The following RALYL variants were observed in gnomAD, a reference collection of about 807,000 sequenced individuals.
The protein encoded by RALYL is RNA-binding Raly-like protein.
A neutral mutation model predicts 35.1 loss-of-function variants in RALYL; 29 were observed. That is an observed-to-expected ratio of 0.83 (90% confidence interval 0.61 to 1.13). RALYL has a LOEUF of 1.13. Ranked by LOEUF, RALYL falls within the 50% of genes most tolerant of loss-of-function variation. The pLI is 0.00. For missense variants in RALYL, 359 were observed against 360.4 expected, an observed-to-expected ratio of 1.00 and a Z score of 0.03; for synonymous variants, 120 against 127.6, an observed-to-expected ratio of 0.94 and a Z score of 0.40.
chr8:84,760,561 T>C (rs1277632388), intron 2 of RALYL, among the ~76,000 whole-genome samples: 1 of 152,066 alleles, frequency 6.6e-6, no homozygotes, highest in Non-Finnish European at 1.5e-5. Context: ...CCTATCACAG[T>C]TGGATTTTAA....
In RALYL at chr8:84,183,969, T is replaced by G. The variant is rs1296878552; in HGVS notation, c.-479T>G. On this transcript the variant is annotated 5_prime_UTR_variant, in exon 1 of 9. Transcript: ENST00000521268. ...TTTTCTGATAACATTTTTGTATAGG[T>G]GGGATTTTACGGCAGTGTTTACAAG... 6.6e-6 allele frequency: 1 copy of G among 152,262 alleles called. No individual in the cohort carries two copies. The highest frequency in any genetic ancestry group is 2.4e-5 in the African/African-American group (1 of 41,450). 9.4% of individuals were successfully genotyped at this position (152,262 alleles called of 1,614,324 possible). A position where few individuals can be genotyped will look rare whatever the true frequency, so the allele number is the denominator to read the frequency against.
intron 1 of RALYL, among the ~76,000 whole-genome samples, chr8:84,483,705 G>T (rs113116907): frequency 0.011 from 1,661 of 152,218 alleles, 32 homozygotes; most frequent in Admixed American, 0.055. Context: ...CTACAACAGA[G>T]ATATAGAAGC....
intron 2 of RALYL, among the ~76,000 whole-genome samples, chr8:84,689,831 A>G (rs1837646098): frequency 6.6e-6 from 1 of 152,138 alleles, no homozygotes; most frequent in African/African-American, 2.4e-5. Context: ...ATGGCCAGTG[A>G]TGGTGAGGAT....
intron 2 of RALYL, among the ~76,000 whole-genome samples, chr8:84,730,696 C>T (rs1406853428): frequency 1.3e-5 from 2 of 152,036 alleles, no homozygotes; most frequent in African/African-American, 4.8e-5. Flanking sequence ...GAATGAGGAT[C>T]TGTACAACGT....
At chr8:84,396,426 A>G (rs1411743780) in intron 1 of RALYL, among the ~76,000 whole-genome samples, 1 of 152,130 alleles carries the variant, frequency 6.6e-6, no homozygotes, top group Non-Finnish European at 1.5e-5. Flanking sequence ...CTGGTAAGAT[A>G]AAAGTAGACT....
chr8:84,491,975 A>G (rs1237750751), intron 1 of RALYL, among the ~76,000 whole-genome samples: 1 of 151,952 alleles, frequency 6.6e-6, no homozygotes, highest in East Asian at 1.9e-4. Flanking sequence ...GTGTTATCCC[A>G]GTTTTAAAAG....
chr8:84,710,080 C>CA (rs1841923105), intron 2 of RALYL, among the ~76,000 whole-genome samples: 1 of 151,792 alleles, frequency 6.6e-6, no homozygotes, highest in African/African-American at 2.4e-5. Flanking sequence ...AACAAATAAA[C>CA]AAAAAAGCTA....
At chr8:84,226,149 T>C (rs1362749004) in intron 1 of RALYL, among the ~76,000 whole-genome samples, 3 of 152,144 alleles carry the variant, frequency 2.0e-5, no homozygotes, top group South Asian at 4.1e-4. Context: ...TAGATTCTCA[T>C]AGGAGCGTGA....
At chr8:84,786,108 G>T (rs1428025739) in intron 3 of RALYL, among the ~76,000 whole-genome samples, 13 of 152,208 alleles carry the variant, frequency 8.5e-5, no homozygotes, top group African/African-American at 3.1e-4. Flanking sequence ...GTGTTAGTTT[G>T]CTGAGGATAA....
intron 2 of RALYL, among the ~76,000 whole-genome samples, chr8:84,769,468 A>G (rs758319097): frequency 9.9e-5 from 15 of 152,260 alleles, no homozygotes; most frequent in Non-Finnish European, 2.1e-4. Context: ...ACTAAAACCT[A>G]ATGTCTCTGG....
chr8:84,413,657 A>T (rs2044324797), intron 1 of RALYL, among the ~76,000 whole-genome samples: 1 of 152,058 alleles, frequency 6.6e-6, no homozygotes, highest in African/African-American at 2.4e-5. Flanking sequence ...AACATCCATA[A>T]AAGTGCCAAG....
intron 1 of RALYL, among the ~76,000 whole-genome samples, chr8:84,517,855 A>G (rs1160184003): frequency 1.3e-5 from 2 of 152,162 alleles, no homozygotes; most frequent in Non-Finnish European, 2.9e-5. Context: ...CATCTCATTT[A>G]AATTTCTTAA....
chr8:84,517,164 A>G (rs1458275350), intron 1 of RALYL, among the ~76,000 whole-genome samples: 2 of 152,224 alleles, frequency 1.3e-5, no homozygotes, highest in African/African-American at 4.8e-5. Context: ...AGATCCATGC[A>G]GTCATTCTGG....
At chr8:84,783,515 G>A (rs1818682675) in intron 3 of RALYL, among the ~76,000 whole-genome samples, 1 of 152,158 alleles carries the variant, frequency 6.6e-6, no homozygotes, top group Admixed American at 6.5e-5. Flanking sequence ...CATTCTAACT[G>A]TTTCTGGTAA....
At chr8:84,185,804 C>T (rs1006177899) in intron 1 of RALYL, among the ~76,000 whole-genome samples, 3 of 152,120 alleles carry the variant, frequency 2.0e-5, no homozygotes, top group African/African-American at 7.2e-5. Context: ...CTGCAACATA[C>T]AGAGGGGCCC....
chr8:84,822,583 A>G (rs1828779565), intron 4 of RALYL, among the ~76,000 whole-genome samples: 3 of 152,272 alleles, frequency 2.0e-5, no homozygotes, highest in Middle Eastern at 6.8e-3. Flanking sequence ...TACTATTGTG[A>G]TTAAAAATTG....
In RALYL at chr8:84,666,864, G is replaced by A. The variant is rs185653047; in HGVS notation, c.257-107715G>A. 5.7e-4 allele frequency among the ~76,000 whole-genome samples: 87 copies of A among 152,198 alleles called. 1 individual carries two copies. The highest frequency in any genetic ancestry group is 2.0e-3 in the African/African-American group (82 of 41,568). On this transcript the variant is annotated intron_variant, in intron 2 of 8. Coordinates refer to ENST00000521268, the MANE Select transcript of RALYL (RefSeq NM_173848.7). ...TGTATTTATTCTGCAAACATTCAGT[G>A]AGCACCTATTATGAGCTGTGTGCTG... is the stretch of plus-strand genomic sequence containing the variant.
At chr8:84,562,317 A>AT (rs2061515613) in intron 2 of RALYL, among the ~76,000 whole-genome samples, 1 of 151,804 alleles carries the variant, frequency 6.6e-6, no homozygotes, top group Non-Finnish European at 1.5e-5. Flanking sequence ...AACCTGCAGT[A>AT]TTTTTTTATT....
chr8:84,834,706 G>T (rs1478666138), intron 4 of RALYL, among the ~76,000 whole-genome samples: 1 of 152,182 alleles, frequency 6.6e-6, no homozygotes, highest in African/African-American at 2.4e-5. Context: ...TAAATTGATA[G>T]ATGGAAGAAA....
Sources: gnomAD v4.1 joint callset for allele counts (sites outside exome capture counted in the v4.1 genomes callset) on GRCh38, gnomAD v4.1.1 for gene constraint, MANE v1.5 for transcripts, NCBI Gene and HGNC (gene_info 2026-07-23, HGNC 2026-07-21) for gene names.